ATP8B1: variants seen among roughly 807,000 people sequenced by gnomAD.
ATP8B1 encodes the protein phospholipid-transporting ATPase IC.
Under a neutral mutation model 149.9 loss-of-function variants are expected in ATP8B1, and 80 were observed. The ratio of observed to expected loss-of-function variants is 0.53; its 90% CI spans 0.45 to 0.64. The LOEUF (loss-of-function observed/expected upper bound fraction) is 0.64, where lower values mean the gene tolerates loss of function less well. Ranked by LOEUF, ATP8B1 falls within the 30% of genes least tolerant of loss-of-function variation. The probability of loss-of-function intolerance (pLI) is 0.00; values close to 1 mark genes in which losing one functional copy is unlikely to be tolerated. For synonymous variants in ATP8B1, 536 were observed against 562.8 expected, an observed-to-expected ratio of 0.95 and a Z score of 0.67; for missense variants, 1,247 against 1,552.6, an observed-to-expected ratio of 0.80 and a Z score of 3.31.
chr18:57,650,561 C>T (rs1909544077), intron 26 of ATP8B1, 64 bp from the exon 27 acceptor site: 20 of 1,578,074 alleles, frequency 1.3e-5, no homozygotes, highest in South Asian at 1.0e-4. Flanking sequence ...GTTAATATTT[C>T]GCCAGGTGTG....
At position 57,652,491 on chromosome 18, in the gene ATP8B1, TTGAC is replaced by T; in HGVS notation, c.3250_3253del (p.Val1084IlefsTer14). ...CCAATGAAAGCCACGTACCTGGAAA[TTGAC>T]TGTTATTACAAGAGCAGAGGCAATG... On this transcript the variant is annotated frameshift_variant, in exon 25 of 28. Transcript: ENST00000648908. LOFTEE classifies it high-confidence loss of function. 1 of 1,614,066 alleles carries T rather than the reference TTGAC, an allele frequency of 6.2e-7. No homozygotes were observed. Among genetic ancestry groups the T allele is most frequent in the Non-Finnish European group, 8.5e-7 (1 of 1,180,020 alleles).
At chr18:57,745,219 AT>A (rs2079953802) in intron 1 of ATP8B1, among the ~76,000 whole-genome samples, 1 of 152,114 alleles carries the variant, frequency 6.6e-6, no homozygotes, top group Non-Finnish European at 1.5e-5. Context: ...CAATCACCTC[AT>A]TTACAGAGCC....
intron 1 of ATP8B1, among the ~76,000 whole-genome samples, chr18:57,738,631 T>TAAATA (rs10597047): frequency 1.3e-5 from 2 of 150,886 alleles, no homozygotes; most frequent in African/African-American, 4.9e-5. Flanking sequence ...AATAAATAAA[T>TAAATA]AAATAAAATA....
intron 1 of ATP8B1, among the ~76,000 whole-genome samples, chr18:57,798,375 G>A (rs564430140): frequency 3.3e-5 from 5 of 150,714 alleles, no homozygotes; most frequent in Middle Eastern, 3.4e-3. Context: ...TAAGCGTTCA[G>A]GAGAAGCCTG....
Position 57,655,120 on chromosome 18 carries a change from T to C in ATP8B1, c.2931+74A>G, listed in dbSNP as rs1909901490. On this transcript the variant is annotated intron_variant, in intron 23 of 27. Transcript: ENST00000648908. ...CTACAAATATAGAAGAAATAAATTG[T>C]CTTTTCAGAACTAGATTTTTATTCA... is the stretch of plus-strand genomic sequence containing the variant. 7 of 1,365,956 alleles carry C rather than the reference T, an allele frequency of 5.1e-6. No individual in the cohort carries two copies. In the South Asian group the frequency reaches 6.0e-5, roughly 12 times the overall value. 84.6% of individuals were successfully genotyped at this position (1,365,956 alleles called of 1,614,324 possible).
chr18:57,685,856 G>A (rs1218599539), intron 13 of ATP8B1, among the ~76,000 whole-genome samples: 5 of 151,982 alleles, frequency 3.3e-5, no homozygotes, highest in Non-Finnish European at 5.9e-5. Context: ...ACTTGAACCC[G>A]GAAGGTGGAG....
chr18:57,685,516 G>A (rs971061594), intron 13 of ATP8B1, among the ~76,000 whole-genome samples: 4 of 151,826 alleles, frequency 2.6e-5, no homozygotes, highest in Non-Finnish European at 5.9e-5. Context: ...TTAAACAATT[G>A]TGCTATTAAG....
At chr18:57,703,133 C>T (rs1489666506) in intron 4 of ATP8B1, among the ~76,000 whole-genome samples, 3 of 152,120 alleles carry the variant, frequency 2.0e-5, no homozygotes, top group Non-Finnish European at 4.4e-5. Context: ...ATCCATTTCT[C>T]CTTACCATCG....
At chr18:57,755,966 C>T (rs1381786030) in intron 1 of ATP8B1, among the ~76,000 whole-genome samples, 2 of 151,876 alleles carry the variant, frequency 1.3e-5, no homozygotes, top group African/African-American at 4.8e-5. Flanking sequence ...CCCCCTTTAC[C>T]CCTAAATACT....
At chr18:57,693,779 C>A (rs141565055) in intron 11 of ATP8B1, among the ~76,000 whole-genome samples, 2 of 152,154 alleles carry the variant, frequency 1.3e-5, no homozygotes, top group East Asian at 3.8e-4. Flanking sequence ...ATGGTTTATG[C>A]TGACCATCTG....
rs117852763 is a variant in ATP8B1 at position 57,794,647 on chromosome 18, T to G, written c.-26+8351A>C. 4.6e-3 allele frequency among the ~76,000 whole-genome samples: 701 copies of G among 152,066 alleles called. 1 individual carries two copies. The highest frequency in any genetic ancestry group is 6.7e-3 in the Admixed American group (102 of 15,252). On this transcript the variant is annotated intron_variant, in intron 1 of 27. Coordinates refer to ENST00000648908, the MANE Select transcript of ATP8B1 (RefSeq NM_001374385.1). ...ATGATAGAATGGCATATGACGGTCA[T>G]GGTGGTGCGTGCCTGTAATCCCAGC...
At chr18:57,785,842 G>A (rs1048062589) in intron 1 of ATP8B1, among the ~76,000 whole-genome samples, 6 of 152,132 alleles carry the variant, frequency 3.9e-5, no homozygotes, top group East Asian at 1.9e-4. Flanking sequence ...ATTATACTAA[G>A]TTATGAAGTC....
At position 57,648,568 on chromosome 18, in the gene ATP8B1, T is replaced by C. The variant is rs1317736878; in HGVS notation, c.3676A>G (p.Ser1226Gly). The change falls in exon 28 of 28, where the codon AGC (serine) becomes GGC (glycine). Residue 1226 changes from serine (S) to glycine (G), a missense_variant. Physicochemically the swap from Ser to Gly is moderately conservative, Grantham distance 56 (BLOSUM62 0). Transcript: ENST00000648908. ...GYADLISSGR[S>G]IRKKRSPLDA... ...AGCGGCGAGCGCTTCTTGCGGATGC[T>C]GCGCCCGGAGGAGATGAGGTCCGCG... is the stretch of plus-strand genomic sequence containing the variant. 1 of 1,611,330 alleles carries C rather than the reference T, an allele frequency of 6.2e-7. No homozygotes were observed. Among genetic ancestry groups the C allele is most frequent in the African/African-American group, 1.3e-5 (1 of 74,880 alleles).
intron 24 of ATP8B1, among the ~76,000 whole-genome samples, chr18:57,653,684 T>C (rs887847319): frequency 3.2e-4 from 17 of 53,938 alleles, no homozygotes; most frequent in Admixed American, 1.9e-3. Context: ...TCTTTTCTCT[T>C]TTTTTTTTTT....
At chr18:57,728,721 A>ATTT (rs34072920) in intron 2 of ATP8B1, among the ~76,000 whole-genome samples, 17 of 138,324 alleles carry the variant, frequency 1.2e-4, no homozygotes, top group South Asian at 2.3e-4. Context: ...AAGACTGAGC[A>ATTT]TTTTTTTTTT....
chr18:57,665,559 CT>C (rs1027229299), intron 20 of ATP8B1, among the ~76,000 whole-genome samples: 37 of 147,522 alleles, frequency 2.5e-4, no homozygotes, highest in Admixed American at 5.4e-4. Context: ...TCTGTTGCTA[CT>C]TTTTTTTTTT....
At chr18:57,799,382 C>T (rs1037333617) in intron 1 of ATP8B1, among the ~76,000 whole-genome samples, 1 of 152,144 alleles carries the variant, frequency 6.6e-6, no homozygotes, top group Non-Finnish European at 1.5e-5. Flanking sequence ...CCAATATGGC[C>T]TTAAAGATTC....
At chr18:57,712,046 G>A (rs1913711930) in intron 2 of ATP8B1, among the ~76,000 whole-genome samples, 1 of 126,934 alleles carries the variant, frequency 7.9e-6, no homozygotes, top group Non-Finnish European at 1.7e-5. Flanking sequence ...TCCCTCTATT[G>A]GCATATATAT....
chr18:57,731,455 A>G, intron 2 of ATP8B1, 172 bp downstream of exon 2: 1 of 740,532 alleles, frequency 1.4e-6, no homozygotes, highest in South Asian at 1.7e-5. Flanking sequence ...TACTAAGGAC[A>G]ATGGGTACTT....
Sources: allele counts gnomAD v4.1 joint callset (sites outside exome capture counted in the v4.1 genomes callset), GRCh38; gene constraint gnomAD v4.1.1; transcripts MANE v1.5; gene names NCBI Gene and HGNC (gene_info 2026-07-23, HGNC 2026-07-21).